VAV3: variants seen among roughly 807,000 people sequenced by gnomAD.
VAV3 encodes the protein vav guanine nucleotide exchange factor 3, also known as guanine nucleotide exchange factor VAV3.
A neutral mutation model predicts 131.2 loss-of-function variants in VAV3; 94 were observed. The observed-to-expected ratio is 0.72, with a 90% CI of 0.61 to 0.85. The LOEUF (loss-of-function observed/expected upper bound fraction) is 0.85, where lower values mean the gene tolerates loss of function less well. Ranked by LOEUF, VAV3 falls within the 40% of genes least tolerant of loss-of-function variation. VAV3 has a pLI of 0.00. For synonymous variants in VAV3, 349 were observed against 342.0 expected (o/e 1.02, Z -0.22); for missense variants, 939 against 1,002.7 (o/e 0.94, Z 0.86).
intron 25 of VAV3, chr1:107,576,445 AC>A: frequency 6.6e-7 from 1 of 1,522,624 alleles, no homozygotes. Flanking sequence ...TGGAGGAGTT[AC>A]AAAAGAAAAG....
At chr1:107,929,415 T>A (rs1373815964) in intron 1 of VAV3, among the ~76,000 whole-genome samples, 2 of 151,986 alleles carry the variant, frequency 1.3e-5, no homozygotes, top group East Asian at 3.9e-4. Flanking sequence ...ACACCAGACC[T>A]GTCCTACAAG....
rs371068556 is a variant in VAV3, at chr1:107,648,627, T to C, written c.1778-5872A>G. On this transcript the variant is annotated intron_variant, in intron 19 of 26. Transcript: ENST00000370056. ...GCTATCTTATCATCTTCTTTAAAGA[T>C]AGAAAAAGAACACAATTACACAATT... Among the ~76,000 whole-genome samples, 9 of 152,186 alleles carry C rather than the reference T, an allele frequency of 5.9e-5. No individual in the cohort carries two copies. The Middle Eastern group carries it at 0.02, about 345-fold the overall frequency.
chr1:107,649,088 T>C (rs187610772), intron 19 of VAV3, among the ~76,000 whole-genome samples: 6 of 152,090 alleles, frequency 3.9e-5, no homozygotes, highest in African/African-American at 1.2e-4. Flanking sequence ...AAGCAAGCAC[T>C]GTATTGGACA....
chr1:107,847,923 C>T (rs902395576), intron 2 of VAV3, among the ~76,000 whole-genome samples: 3 of 151,962 alleles, frequency 2.0e-5, no homozygotes, highest in African/African-American at 7.2e-5. Context: ...ATTTTGAGGC[C>T]AGTCCTGATA....
At chr1:107,652,103 G>A (rs542841880) in intron 19 of VAV3, among the ~76,000 whole-genome samples, 1 of 152,230 alleles carries the variant, frequency 6.6e-6, no homozygotes, top group South Asian at 2.1e-4. Context: ...CACAGGATAC[G>A]CTAGGAGGTC....
intron 2 of VAV3, among the ~76,000 whole-genome samples, chr1:107,862,083 C>T (rs1669766470): frequency 6.6e-6 from 1 of 151,572 alleles, no homozygotes; most frequent in African/African-American, 2.4e-5. Context: ...GGCATTGAGG[C>T]AAACCAGAGA....
chr1:107,719,238 G>A (rs370957503), intron 15 of VAV3, among the ~76,000 whole-genome samples: 15 of 152,114 alleles, frequency 9.9e-5, no homozygotes, highest in South Asian at 4.2e-4. Flanking sequence ...GCTTCTGCAC[G>A]GCAAAAGAAA....
intron 1 of VAV3, among the ~76,000 whole-genome samples, chr1:107,908,746 T>C (rs55707526): frequency 0.061 from 9,199 of 150,780 alleles, 408 homozygotes; most frequent in African/African-American, 0.12. Flanking sequence ...TGACAGCTGA[T>C]AGAAAAGGAG....
intron 20 of VAV3, among the ~76,000 whole-genome samples, chr1:107,632,632 C>T (rs1488386296): frequency 6.6e-6 from 1 of 152,196 alleles, no homozygotes; most frequent in Non-Finnish European, 1.5e-5. Flanking sequence ...TGTGCAAAAA[C>T]TCAAACATAT....
At chr1:107,581,249 A>G (rs1570553212) in intron 25 of VAV3, among the ~76,000 whole-genome samples, 1 of 152,172 alleles carries the variant, frequency 6.6e-6, no homozygotes, top group East Asian at 1.9e-4. Flanking sequence ...ACTCCATATT[A>G]GCATAGGCAA....
intron 2 of VAV3, among the ~76,000 whole-genome samples, chr1:107,801,924 C>T (rs80015082): frequency 0.027 from 4,100 of 151,960 alleles, 85 homozygotes; most frequent in Non-Finnish European, 0.041. Flanking sequence ...CAATTTCTTT[C>T]GTCAGCATTT....
intron 20 of VAV3, among the ~76,000 whole-genome samples, chr1:107,632,430 G>GACCA (rs1467045465): frequency 1.3e-5 from 2 of 152,162 alleles, no homozygotes; most frequent in Non-Finnish European, 2.9e-5. Context: ...TAAATGACTT[G>GACCA]ACCAAAGCCA....
At position 107,705,019 on chromosome 1, in the gene VAV3, G is replaced by C. The variant is rs765553642; in HGVS notation, c.1545C>G (p.Asp515Glu). ...RPDYADSNFH[D>E]FKMHTFTRVT... is the part of the protein sequence containing the mutation. ...CTCGAGTGAAGGTATGCATCTTGAAGTCGTGGAAATTGGAGTCTGCATAGT... is the reference window on the plus strand; with the variant it reads ...CTCGAGTGAAGGTATGCATCTTGAACTCGTGGAAATTGGAGTCTGCATAGT... The change falls in exon 16 of 27, where the codon GAC (aspartate) becomes GAG (glutamate). Residue 515 changes from aspartate (D) to glutamate (E), a missense_variant. Physicochemically the swap from Asp to Glu is conservative, Grantham distance 45. Transcript: ENST00000370056. The C allele has an allele frequency of 6.2e-7, 1 of 1,613,856 alleles. No homozygotes were observed. The highest frequency in any genetic ancestry group is 2.2e-5 in the East Asian group (1 of 44,852).
At chr1:107,705,451 G>A (rs529715874) in intron 15 of VAV3, among the ~76,000 whole-genome samples, 1 of 152,008 alleles carries the variant, frequency 6.6e-6, no homozygotes, top group African/African-American at 2.4e-5. Flanking sequence ...GTGAGGGTAG[G>A]AGGGAGAAGA....
At chr1:107,735,931 T>A (rs1411996530) in intron 15 of VAV3, among the ~76,000 whole-genome samples, 2 of 152,174 alleles carry the variant, frequency 1.3e-5, no homozygotes, top group African/African-American at 2.4e-5. Flanking sequence ...CCAATATCCC[T>A]GATGAACATC....
chr1:107,894,294 A>G (rs1052464119), intron 1 of VAV3, among the ~76,000 whole-genome samples: 11 of 152,226 alleles, frequency 7.2e-5, no homozygotes, highest in Non-Finnish European at 1.5e-4. Flanking sequence ...TTAAAGCTAG[A>G]TAAAAATGCA....
chr1:107,945,167 T>G (rs1342547923), intron 1 of VAV3, among the ~76,000 whole-genome samples: 1 of 152,202 alleles, frequency 6.6e-6, no homozygotes, highest in African/African-American at 2.4e-5. Flanking sequence ...GATGAAAAGC[T>G]GATAGATATT....
intron 15 of VAV3, among the ~76,000 whole-genome samples, chr1:107,742,634 T>C (rs1663090759): frequency 6.6e-6 from 1 of 152,194 alleles, no homozygotes; most frequent in Non-Finnish European, 1.5e-5. Flanking sequence ...CAATACTTTC[T>C]TTCCATTCCC....
chr1:107,638,899 T>C (rs980998789), intron 20 of VAV3, among the ~76,000 whole-genome samples: 29 of 151,924 alleles, frequency 1.9e-4, no homozygotes, highest in African/African-American at 6.0e-4. Flanking sequence ...AAGATATATA[T>C]ACACACACAT....
Sources: gnomAD v4.1 joint callset for allele counts (sites outside exome capture counted in the v4.1 genomes callset) on GRCh38, gnomAD v4.1.1 for gene constraint, MANE v1.5 for transcripts, NCBI Gene and HGNC (gene_info 2026-07-23, HGNC 2026-07-21) for gene names.